Variants in SPART observed in about 807,000 individuals in gnomAD.
SPART encodes spartin, also known as spastic paraplegia 20 (Troyer syndrome).
In SPART, 35 loss-of-function variants were observed where a neutral mutation model predicts 58.7. The observed-to-expected ratio is 0.60, with a 90% confidence interval of 0.46 to 0.79. The LOEUF (loss-of-function observed/expected upper bound fraction) is 0.79, where lower values mean the gene tolerates loss of function less well. Ranked by LOEUF, SPART falls within the 30% of genes least tolerant of loss-of-function variation. SPART has a pLI of 0.00. For missense variants in SPART, 730 were observed against 786.1 expected (o/e 0.93, Z 0.85); for synonymous variants, 284 against 280.7 (o/e 1.01, Z -0.12).
At chr13:36,365,624 C>T (rs1415948771) in intron 1 of SPART, 1 of 468,646 alleles carries the variant, frequency 2.1e-6, no homozygotes, top group Non-Finnish European at 4.4e-6. Context: ...AATATTTATC[C>T]AACTTTATCC....
chr13:36,352,211 C>A (rs1240671742), intron 1 of SPART, among the ~76,000 whole-genome samples: 1 of 152,148 alleles, frequency 6.6e-6, no homozygotes. Context: ...GACAAAAGAT[C>A]AATAATTGTG....
chr13:36,309,692 T>A (rs10161664), intron 8 of SPART, among the ~76,000 whole-genome samples: 1 of 152,048 alleles, frequency 6.6e-6, no homozygotes, highest in Non-Finnish European at 1.5e-5. Context: ...CTCATGGACA[T>A]AAAGATGACA....
intron 1 of SPART, among the ~76,000 whole-genome samples, chr13:36,344,966 A>T (rs182051405): frequency 6.5e-4 from 99 of 152,340 alleles, no homozygotes; most frequent in Non-Finnish European, 1.1e-3. Flanking sequence ...TGTATGTCTT[A>T]AAAAATACCC....
intron 8 of SPART, among the ~76,000 whole-genome samples, chr13:36,308,652 T>A (rs1880758197): frequency 6.6e-6 from 1 of 151,846 alleles, no homozygotes; most frequent in Admixed American, 6.6e-5. Flanking sequence ...TTTTTTTTTT[T>A]TTCATTAGAG....
intron 3 of SPART, 93 bp from the exon 4 acceptor site, chr13:36,329,610 T>G: frequency 7.7e-7 from 1 of 1,300,218 alleles, no homozygotes; most frequent in Non-Finnish European, 1.1e-6. Flanking sequence ...ATGACATACT[T>G]GTTTGAATGT....
Position 36,304,579 on chromosome 13 carries a change from T to A in SPART, c.1787A>T (p.Asn596Ile), listed in dbSNP as rs778454267. Reference protein sequence around the residue: ...ATHHAVDSAVNVGVTAYNINN... With the variant: ...ATHHAVDSAVIVGVTAYNINN... ...AATATTGTAGGCAGTTACGCCAACATTGACCGCAGAATCCACCGCATGGTG... is the reference window on the plus strand; with the variant it reads ...AATATTGTAGGCAGTTACGCCAACAATGACCGCAGAATCCACCGCATGGTG... The change falls in exon 9 of 9, where the codon AAT (asparagine) becomes ATT (isoleucine). Residue 596 changes from asparagine (N) to isoleucine (I), a missense_variant. Asn to Ile is a moderately radical substitution (Grantham distance 149). Transcript: ENST00000438666. The A allele has an allele frequency of 3.1e-6, 5 of 1,614,138 alleles. No individual in the cohort carries two copies. Among genetic ancestry groups the A allele is most frequent in the Middle Eastern group, 1.6e-4 (1 of 6,062 alleles).
At chr13:36,359,322 CT>C (rs907653875) in intron 1 of SPART, among the ~76,000 whole-genome samples, 1 of 152,136 alleles carries the variant, frequency 6.6e-6, no homozygotes, top group African/African-American at 2.4e-5. Flanking sequence ...GAGTCTTTGA[CT>C]TTAAAACCTT....
At chr13:36,367,199 C>T (rs927865145) in intron 1 of SPART, among the ~76,000 whole-genome samples, 1 of 152,168 alleles carries the variant, frequency 6.6e-6, no homozygotes, top group Admixed American at 6.5e-5. Context: ...GGCCAGCAAC[C>T]TTTGATATGC....
intron 8 of SPART, among the ~76,000 whole-genome samples, chr13:36,310,136 T>C (rs1203310541): frequency 6.6e-6 from 1 of 152,154 alleles, no homozygotes; most frequent in Non-Finnish European, 1.5e-5. Flanking sequence ...AAAATGGAGA[T>C]AACAGTGTTG....
intron 5 of SPART, 136 bp downstream of exon 5, chr13:36,326,439 A>G (rs1882939872): frequency 1.9e-6 from 2 of 1,033,196 alleles, no homozygotes; most frequent in Non-Finnish European, 1.4e-6. Flanking sequence ...TTCCTTCTAC[A>G]TTTATTTCTA....
chr13:36,306,505 A>G (rs1286677409), intron 8 of SPART, among the ~76,000 whole-genome samples: 1 of 152,162 alleles, frequency 6.6e-6, no homozygotes, highest in African/African-American at 2.4e-5. Flanking sequence ...ACTCACAGTC[A>G]TGTTTTCAAG....
chr13:36,324,114 T>G (rs1042572350), intron 5 of SPART, among the ~76,000 whole-genome samples: 9 of 152,210 alleles, frequency 5.9e-5, no homozygotes, highest in Admixed American at 4.6e-4. Flanking sequence ...TGCCTGCTAT[T>G]CTGAATGTTA....
chr13:36,361,641 T>G (rs1028739572), intron 1 of SPART, among the ~76,000 whole-genome samples: 3 of 152,272 alleles, frequency 2.0e-5, no homozygotes, highest in Middle Eastern at 3.4e-3. Context: ...TGACCTCAGG[T>G]GATCCATCTG....
At chr13:36,337,107 T>G (rs1884087836) in intron 1 of SPART, among the ~76,000 whole-genome samples, 2 of 152,232 alleles carry the variant, frequency 1.3e-5, no homozygotes. Context: ...CACTTATGTA[T>G]AGTTTCATTT....
At chr13:36,344,587 A>C (rs1303640957) in intron 1 of SPART, among the ~76,000 whole-genome samples, 1 of 152,182 alleles carries the variant, frequency 6.6e-6, no homozygotes, top group Non-Finnish European at 1.5e-5. Context: ...TTAAAATATC[A>C]CATTTTTATT....
At chr13:36,349,072 C>T (rs1386401786), upstream of SPART, among the ~76,000 whole-genome samples, 25 of 151,972 alleles carry the variant, frequency 1.6e-4, no homozygotes, top group Admixed American at 1.0e-3. Context: ...GAGACCAGCC[C>T]GACCAACATG....
chr13:36,326,358 T>G, intron 5 of SPART: 2 of 556,012 alleles, frequency 3.6e-6, no homozygotes, highest in South Asian at 2.1e-5. Context: ...ATTTTCCCAA[T>G]AGTAGAACAG....
At chr13:36,314,132 AT>A (rs1184251799) in intron 6 of SPART, 94 bp downstream of exon 6, 3 of 1,267,610 alleles carry the variant, frequency 2.4e-6, no homozygotes, top group Non-Finnish European at 3.4e-6. Flanking sequence ...TATTCTTGAG[AT>A]TAAACCATCT....
chr13:36,306,972 T>C (rs1880570697), intron 8 of SPART, among the ~76,000 whole-genome samples: 1 of 152,212 alleles, frequency 6.6e-6, no homozygotes, highest in Non-Finnish European at 1.5e-5. Context: ...TTGTATTTAT[T>C]TTTTAATATA....
Sources: allele counts gnomAD v4.1 joint callset (sites outside exome capture counted in the v4.1 genomes callset), GRCh38; gene constraint gnomAD v4.1.1; transcripts MANE v1.5; gene names NCBI Gene and HGNC (gene_info 2026-07-23, HGNC 2026-07-21).